PTPRR: variants seen among roughly 807,000 people sequenced by gnomAD.
PTPRR encodes protein tyrosine phosphatase receptor type R.
In PTPRR, 38 loss-of-function variants were observed where a neutral mutation model predicts 77.2. The observed-to-expected ratio is 0.49, with a 90% confidence interval of 0.38 to 0.65. The LOEUF (loss-of-function observed/expected upper bound fraction) is 0.65. PTPRR is among the 30% of genes least tolerant of loss of function. The pLI, the probability that PTPRR is intolerant of heterozygous loss-of-function variation, is 0.00. For missense variants in PTPRR, 744 were observed against 799.2 expected (o/e 0.93, Z 0.83); for synonymous variants, 299 against 283.1 (o/e 1.06, Z -0.57).
intron 5 of PTPRR, among the ~76,000 whole-genome samples, chr12:70,753,296 T>C (rs760792505): frequency 1.3e-5 from 2 of 152,020 alleles, no homozygotes; most frequent in Non-Finnish European, 2.9e-5. Flanking sequence ...CTTAGCAACA[T>C]TGTTGATTGT....
chr12:70,716,004 C>G (rs1592699700), intron 6 of PTPRR, among the ~76,000 whole-genome samples: 1 of 152,288 alleles, frequency 6.6e-6, no homozygotes, highest in Non-Finnish European at 1.5e-5. Context: ...GCAGTAAAGA[C>G]AGGCATAAGA....
rs182116558 is a variant in PTPRR at position 70,646,935 on chromosome 12, G to A, written c.1881-7658C>T. ...GATGGCATATATATTCTTCTGAGATGGCTGTAGTTAAAAAAAAAAAGAAAA... is the reference window on the plus strand; with the variant it reads ...GATGGCATATATATTCTTCTGAGATAGCTGTAGTTAAAAAAAAAAAGAAAA... On this transcript the variant is annotated intron_variant, in intron 13 of 13. Coordinates refer to ENST00000283228, the MANE Select transcript of PTPRR (RefSeq NM_002849.4). Among the ~76,000 whole-genome samples, 5 of 151,476 alleles carry A rather than the reference G, an allele frequency of 3.3e-5. No homozygotes were observed. In the East Asian group the frequency reaches 9.7e-4, roughly 29 times the overall value.
At chr12:70,749,846 T>A (rs941324345) in intron 5 of PTPRR, among the ~76,000 whole-genome samples, 2 of 152,210 alleles carry the variant, frequency 1.3e-5, no homozygotes, top group East Asian at 3.9e-4. Flanking sequence ...CCTGTAGACA[T>A]CTCTAGCTAT....
At chr12:70,782,692 TG>T (rs1241932760) in intron 2 of PTPRR, among the ~76,000 whole-genome samples, 2 of 143,410 alleles carry the variant, frequency 1.4e-5, no homozygotes, top group Non-Finnish European at 3.0e-5. Context: ...CGTTGTGGGG[TG>T]GGGGGAGTGG....
intron 6 of PTPRR, among the ~76,000 whole-genome samples, chr12:70,728,321 G>GATAT (rs139775483): frequency 0.026 from 2,861 of 110,428 alleles, 130 homozygotes; most frequent in African/African-American, 0.093. Flanking sequence ...TCTGTCTCTA[G>GATAT]ATATATATAT....
At chr12:70,706,829 C>A (rs544947479) in intron 6 of PTPRR, among the ~76,000 whole-genome samples, 1 of 152,184 alleles carries the variant, frequency 6.6e-6, no homozygotes, top group Non-Finnish European at 1.5e-5. Flanking sequence ...CCTTAGACTG[C>A]ATAATCTGCA....
At chr12:70,649,418 T>C (rs1886312941) in intron 13 of PTPRR, among the ~76,000 whole-genome samples, 1 of 152,132 alleles carries the variant, frequency 6.6e-6, no homozygotes, top group Admixed American at 6.5e-5. Context: ...TCATTGCTAG[T>C]GGTTGGAGGT....
chr12:70,748,390 A>C (rs1256538730), intron 5 of PTPRR, among the ~76,000 whole-genome samples: 2 of 152,300 alleles, frequency 1.3e-5, no homozygotes, highest in African/African-American at 2.4e-5. Context: ...TGAGATCTGG[A>C]ATATAGCATA....
At chr12:70,781,217 A>G (rs1018471148) in intron 2 of PTPRR, among the ~76,000 whole-genome samples, 9 of 152,218 alleles carry the variant, frequency 5.9e-5, no homozygotes, top group Admixed American at 3.9e-4. Context: ...AGACAAAAAA[A>G]TGGGCTGACA....
chr12:70,883,175 C>T (rs1443057891), intron 2 of PTPRR, among the ~76,000 whole-genome samples: 2 of 152,044 alleles, frequency 1.3e-5, no homozygotes, highest in Non-Finnish European at 2.9e-5. Context: ...GCAGGAGAAT[C>T]GCTTGAACCC....
chr12:70,785,683 C>G (rs1037489111), intron 2 of PTPRR, among the ~76,000 whole-genome samples: 1 of 151,946 alleles, frequency 6.6e-6, no homozygotes, highest in Non-Finnish European at 1.5e-5. Flanking sequence ...TCCATTTATG[C>G]TTGTAAAAAT....
intron 2 of PTPRR, among the ~76,000 whole-genome samples, chr12:70,828,717 C>T (rs1892159704): frequency 1.3e-5 from 2 of 152,202 alleles, no homozygotes; most frequent in Non-Finnish European, 2.9e-5. Context: ...TGTATTCGAA[C>T]TCTGATTCCT....
chr12:70,892,432 A>G (rs1893353631), intron 2 of PTPRR, among the ~76,000 whole-genome samples: 1 of 151,744 alleles, frequency 6.6e-6, no homozygotes, highest in Non-Finnish European at 1.5e-5. Context: ...AATATTTATT[A>G]AGCATCTACC....
intron 6 of PTPRR, among the ~76,000 whole-genome samples, chr12:70,724,992 T>C (rs1210591527): frequency 6.6e-6 from 1 of 152,146 alleles, no homozygotes; most frequent in Non-Finnish European, 1.5e-5. Context: ...GCTGGAGAAA[T>C]ATTGAAATCT....
At chr12:70,872,971 G>A (rs1892987585) in intron 2 of PTPRR, among the ~76,000 whole-genome samples, 1 of 152,036 alleles carries the variant, frequency 6.6e-6, no homozygotes. Flanking sequence ...TAATTTATTT[G>A]ATCATTACTA....
chr12:70,744,697 TTA>T (rs1229062216), intron 6 of PTPRR, among the ~76,000 whole-genome samples: 1 of 152,184 alleles, frequency 6.6e-6, no homozygotes, highest in Non-Finnish European at 1.5e-5. Flanking sequence ...TATTCAAAAT[TTA>T]TATATGTGAT....
intron 2 of PTPRR, among the ~76,000 whole-genome samples, chr12:70,776,703 T>C (rs1325475760): frequency 6.6e-6 from 1 of 152,060 alleles, no homozygotes; most frequent in Non-Finnish European, 1.5e-5. Flanking sequence ...GCCTTTTTGC[T>C]ACCTGGAATC....
chr12:70,885,525 C>A (rs918521661), intron 2 of PTPRR, among the ~76,000 whole-genome samples: 19 of 149,870 alleles, frequency 1.3e-4, no homozygotes, highest in Non-Finnish European at 1.0e-4. Context: ...AGTTATTTAA[C>A]AGTTAAGGAT....
At chr12:70,893,124 C>T in intron 1 of PTPRR, 147 bp from the exon 2 acceptor site, 1 of 880,478 alleles carries the variant, frequency 1.1e-6, no homozygotes, top group Non-Finnish European at 1.7e-6. Flanking sequence ...TTGTCTGCTT[C>T]ATGATCCTCA....
Sources: gnomAD v4.1 joint callset for allele counts (sites outside exome capture counted in the v4.1 genomes callset) on GRCh38, gnomAD v4.1.1 for gene constraint, MANE v1.5 for transcripts, NCBI Gene and HGNC (gene_info 2026-07-23, HGNC 2026-07-21) for gene names.